Variants in MYO18B observed in about 807,000 individuals in gnomAD.
The protein encoded by MYO18B is myosin XVIIIB.
In MYO18B, 204 loss-of-function variants were observed where a neutral mutation model predicts 273.0. The ratio of observed to expected loss-of-function variants is 0.75; its 90% CI spans 0.67 to 0.84. The LOEUF is 0.84. MYO18B is among the 40% of genes least tolerant of loss of function. The pLI, the probability that MYO18B is intolerant of heterozygous loss-of-function variation, is 0.00. For synonymous variants in MYO18B, 1,330 were observed against 1,305.7 expected (o/e 1.02, Z -0.40); for missense variants, 3,212 against 3,287.6 (o/e 0.98, Z 0.56).
intron 40 of MYO18B, among the ~76,000 whole-genome samples, chr22:25,996,154 G>C (rs1379685305): frequency 1.3e-5 from 2 of 152,188 alleles, no homozygotes; most frequent in Non-Finnish European, 2.9e-5. Flanking sequence ...CCTTGGACAA[G>C]TTATTCAACC....
chr22:25,773,229 G>A (rs113331725), intron 7 of MYO18B, among the ~76,000 whole-genome samples: 4 of 152,114 alleles, frequency 2.6e-5, no homozygotes, highest in African/African-American at 9.7e-5. Flanking sequence ...GTCTCCTACC[G>A]GGCCACGCAC....
At chr22:26,040,575 T>A in the MYO18B span, among the ~76,000 whole-genome samples, 61 of 152,224 alleles carry the variant, frequency 4.0e-4, no homozygotes, top group Admixed American at 3.5e-3. Context: ...CTAGAAGGCA[T>A]TGGAAGTGGT....
chr22:25,826,455 C>A lies in MYO18B; in HGVS notation c.2742C>A (p.Gly914=). The change falls in exon 14 of 44, where the codon GGC becomes GGA. Residue 914 remains glycine (G), a synonymous_variant. Coordinates refer to ENST00000335473, the MANE Select transcript of MYO18B (RefSeq NM_032608.7). ...ACTGTGTGGAGGGGATGGCCTCGGG[C>A]CTGTACCAGGAACTCTTTGCGGCTG... is the stretch of plus-strand genomic sequence containing the variant. ...GVDCVEGMAS[G]LYQELFAAVV... is the part of the protein sequence containing the mutation. 1 of 1,613,816 alleles carries A rather than the reference C, an allele frequency of 6.2e-7. No homozygotes were observed. Among genetic ancestry groups the A allele is most frequent in the East Asian group, 2.2e-5 (1 of 44,888 alleles).
intron 12 of MYO18B, among the ~76,000 whole-genome samples, chr22:25,821,406 T>G (rs2089276403): frequency 6.6e-6 from 1 of 152,092 alleles, no homozygotes; most frequent in Non-Finnish European, 1.5e-5. Context: ...ATTTCCCTGA[T>G]GATTAGAGAT....
intron 34 of MYO18B, among the ~76,000 whole-genome samples, chr22:25,937,167 T>A (rs891995167): frequency 6.6e-5 from 10 of 152,076 alleles, no homozygotes; most frequent in South Asian, 4.2e-4. Flanking sequence ...CACTGCAGCC[T>A]CTGCTTCCTG....
At chr22:25,948,445 TCCTTCC>T (rs1395433613) in intron 36 of MYO18B, among the ~76,000 whole-genome samples, 56 of 130,742 alleles carry the variant, frequency 4.3e-4, no homozygotes, top group Admixed American at 9.8e-4. Flanking sequence ...CTTCCTTCCT[TCCTTCC>T]TTCCTTCCTT....
chr22:25,748,795 G>C (rs996680612), intron 1 of MYO18B, among the ~76,000 whole-genome samples: 2 of 152,134 alleles, frequency 1.3e-5, no homozygotes, highest in African/African-American at 4.8e-5. Context: ...TGTGAGCACG[G>C]TCTGAATCCC....
Position 25,861,600 on chromosome 22 carries a change from G to A in MYO18B, c.3886-6720G>A, listed in dbSNP as rs181481466. The stretch of plus-strand genomic sequence containing the variant: ...TGAATCTTTTTACAAAATCCAGATT[G>A]ACAATCTCTGCCTTTTTATTAAGGT... On this transcript the variant is annotated intron_variant, in intron 21 of 43. Coordinates refer to ENST00000335473, the MANE Select transcript of MYO18B (RefSeq NM_032608.7). Among the ~76,000 whole-genome samples, 655 of 152,154 alleles carry A rather than the reference G, an allele frequency of 4.3e-3. 4 individuals are homozygous for A. The highest frequency in any genetic ancestry group is 5.8e-3 in the Non-Finnish European group (392 of 67,996).
chr22:25,865,979 C>T (rs1024702196), intron 21 of MYO18B, among the ~76,000 whole-genome samples: 8 of 152,070 alleles, frequency 5.3e-5, no homozygotes, highest in Admixed American at 2.6e-4. Flanking sequence ...GTGAAACCAC[C>T]GACATTTTGG....
intron 7 of MYO18B, among the ~76,000 whole-genome samples, chr22:25,774,089 T>C (rs1330209805): frequency 2.0e-5 from 3 of 152,194 alleles, no homozygotes; most frequent in Non-Finnish European, 2.9e-5. Context: ...AAACACATCT[T>C]GCCCTTTGGG....
intron 34 of MYO18B, among the ~76,000 whole-genome samples, chr22:25,921,815 AGTGTGTGT>A (rs71191088): frequency 1.4e-3 from 188 of 130,546 alleles, no homozygotes; most frequent in African/African-American, 2.5e-3. Context: ...AAATAGCAAT[AGTGTGTGT>A]GTGTGTGTGT....
At chr22:25,915,544 A>G (rs2092248034) in intron 33 of MYO18B, among the ~76,000 whole-genome samples, 1 of 152,206 alleles carries the variant, frequency 6.6e-6, no homozygotes, top group Non-Finnish European at 1.5e-5. Flanking sequence ...TCCATCATTG[A>G]TGGAAATGTA....
intron 39 of MYO18B, among the ~76,000 whole-genome samples, chr22:25,969,286 T>C (rs1234480397): frequency 6.6e-6 from 1 of 152,232 alleles, no homozygotes; most frequent in African/African-American, 2.4e-5. Flanking sequence ...CACGTTTTTT[T>C]CTTCTTTTAA....
At chr22:25,843,400 G>A (rs923563278) in intron 17 of MYO18B, among the ~76,000 whole-genome samples, 1 of 152,112 alleles carries the variant, frequency 6.6e-6, no homozygotes, top group East Asian at 1.9e-4. Flanking sequence ...TACTGTACTT[G>A]TGAAAATGTA....
At position 25,843,794 on chromosome 22, in the gene MYO18B, G is replaced by T. The variant is rs751557279; in HGVS notation, c.3268G>T (p.Gly1090Ter). ...CCAGTGTGAGATTTTCCACCAGTTG[G>T]GATGGGACCCTGTGCGGTACGACCT... is the stretch of plus-strand genomic sequence containing the variant. ...PLQCEIFHQL[G>*]WDPVRYDLTG... The change falls in exon 18 of 44, where the codon GGA (glycine) becomes TGA (stop). Residue 1090 changes from glycine (G) to a stop codon, truncating the protein, a stop_gained. Transcript: ENST00000335473. LOFTEE classifies it high-confidence loss of function. 3.1e-6 allele frequency: 5 copies of T among 1,613,904 alleles called. No homozygotes were observed. In the Admixed American group the frequency reaches 8.3e-5, roughly 27 times the overall value.
chr22:26,005,149 G>T (rs1237476560), intron 42 of MYO18B, among the ~76,000 whole-genome samples: 1 of 152,174 alleles, frequency 6.6e-6, no homozygotes, highest in Non-Finnish European at 1.5e-5. Flanking sequence ...TGGTTTTCCA[G>T]ATTTTTAAAT....
chr22:25,749,127 A>G (rs2085865820), intron 1 of MYO18B, among the ~76,000 whole-genome samples: 1 of 152,208 alleles, frequency 6.6e-6, no homozygotes, highest in Non-Finnish European at 1.5e-5. Context: ...CTATCCGTCT[A>G]TCAGGATTGA....
chr22:25,974,503 G>T (rs1321995498), intron 39 of MYO18B, among the ~76,000 whole-genome samples: 1 of 152,144 alleles, frequency 6.6e-6, no homozygotes, highest in African/African-American at 2.4e-5. Flanking sequence ...TAGAACAGGG[G>T]CCAGTCAACT....
At chr22:25,888,761 T>C (rs1196454334) in intron 25 of MYO18B, among the ~76,000 whole-genome samples, 1 of 152,174 alleles carries the variant, frequency 6.6e-6, no homozygotes, top group Non-Finnish European at 1.5e-5. Flanking sequence ...GCCTTTTACA[T>C]GTGATGTGAC....
Sources: allele counts gnomAD v4.1 joint callset (sites outside exome capture counted in the v4.1 genomes callset), GRCh38; gene constraint gnomAD v4.1.1; transcripts MANE v1.5; gene names NCBI Gene and HGNC (gene_info 2026-07-23, HGNC 2026-07-21).